DUS1L: variants seen among roughly 807,000 people sequenced by gnomAD.
DUS1L encodes tRNA-dihydrouridine(16/17) synthase [NAD(P)(+)]-like.
In DUS1L, 56 loss-of-function variants were observed where a neutral mutation model predicts 61.2. That is an observed-to-expected ratio of 0.92 (90% CI 0.74 to 1.14). DUS1L has a LOEUF of 1.14. DUS1L is among the 50% of genes most tolerant of loss of function. DUS1L has a pLI of 0.00. For synonymous variants in DUS1L, 278 were observed against 259.5 expected (o/e 1.07, Z -0.69); for missense variants, 630 against 632.4 (o/e 1.00, Z 0.04).
At chr17:82,058,584 C>T in intron 12 of DUS1L, 168 bp from the exon 13 acceptor site, 1 of 1,456,852 alleles carries the variant, frequency 6.9e-7, no homozygotes, top group Admixed American at 2.6e-5. Context: ...CCCACCCACC[C>T]AGACTCTCTT....
At chr17:82,058,620 G>A (rs1037907180) in intron 12 of DUS1L, 161 bp downstream of exon 12, 24 of 1,494,912 alleles carry the variant, frequency 1.6e-5, no homozygotes, top group Admixed American at 2.2e-5. Context: ...GCAGGGGCTT[G>A]GCTGGAAGCA....
intron 8 of DUS1L, 119 bp downstream of exon 8, chr17:82,061,090 C>T (rs2033468003): frequency 6.5e-7 from 1 of 1,537,368 alleles, no homozygotes; most frequent in African/African-American, 1.4e-5. Context: ...CCCAGCCCCT[C>T]AAGACCTGAC....
rs756726730 is a variant in DUS1L at position 82,061,936 on chromosome 17, C to G, written c.558G>C (p.Ser186=). 6.2e-7 allele frequency: 1 copy of G among 1,610,784 alleles called. No individual in the cohort carries two copies. Among genetic ancestry groups the G allele is most frequent in the Non-Finnish European group, 8.5e-7 (1 of 1,178,862 alleles). Residue 186 remains serine, a synonymous_variant, in exon 6 of 14, where the codon TCG becomes TCC. Coordinates refer to ENST00000306796, the MANE Select transcript of DUS1L (RefSeq NM_022156.5). ...GRTKEQKGPL[S]GAASWEHIKA... ...TGATATGCTCCCAGGACGCTGCACC[C>G]GACAGGGGCCCCTTCTGCTCCTTGG...
At position 82,058,180 on chromosome 17, in the gene DUS1L, G is replaced by T; in HGVS notation, c.1357C>A (p.Pro453Thr). The T allele has an allele frequency of 6.2e-7, 1 of 1,600,740 alleles. No homozygotes were observed. Among genetic ancestry groups the T allele is most frequent in the Non-Finnish European group, 8.5e-7 (1 of 1,170,944 alleles). ...WKEAQPELQE[P>T]QPAAPGTPGG... ...GGTGTTCCAGGTGCTGCTGGCTGAG[G>T]CTCCTGCAGCTCAGGCTGGGCCTCT... Residue 453 changes from proline to threonine, a missense_variant, in exon 14 of 14, where the codon CCT (proline) becomes ACT (threonine). Coordinates refer to ENST00000306796, the MANE Select transcript of DUS1L (RefSeq NM_022156.5).
Position 82,060,974 on chromosome 17 carries a change from C to G in DUS1L, c.843-13G>C. ...GTGCACCTGCAGCCTGAGACAGAGG[C>G]CCTGTCACGCAGGCTGGGCTCCCGG... On this transcript the variant is annotated splice_polypyrimidine_tract_variant and intron_variant, in intron 8 of 13. Transcript: ENST00000306796. 1 of 1,606,732 alleles carries G rather than the reference C, an allele frequency of 6.2e-7. No homozygotes were observed. The highest frequency in any genetic ancestry group is 8.5e-7 in the Non-Finnish European group (1 of 1,179,128).
In DUS1L at chr17:82,064,831, T is replaced by G. The variant is rs930271724; in HGVS notation, c.229A>C (p.Ile77Leu). Residue 77 changes from isoleucine (I) to leucine (L), a missense_variant, in exon 2 of 14, where the codon ATC (isoleucine) becomes CTC (leucine). Coordinates refer to ENST00000306796, the MANE Select transcript of DUS1L (RefSeq NM_022156.5). ...CAGCCCCTCCTGCGCACCTGCACGA[T>G]GAGGGGCCGGTCCTCGGGGCACACC... The part of the protein sequence containing the change: ...CEVCPEDRPL[I>L]VQFCANDPEV... The G allele has an allele frequency of 6.2e-7, 1 of 1,609,358 alleles. No homozygotes were observed. The highest frequency in any genetic ancestry group is 8.5e-7 in the Non-Finnish European group (1 of 1,178,362).
chr17:82,062,345 A>T (rs1272150959), intron 5 of DUS1L, among the ~76,000 whole-genome samples: 1 of 152,144 alleles, frequency 6.6e-6, no homozygotes, highest in Non-Finnish European at 1.5e-5. Flanking sequence ...TGGGGGGGAA[A>T]GTGGGTCCTG....
chr17:82,061,656 C>T lies in DUS1L; in HGVS notation c.659G>A (p.Cys220Tyr). Reference sequence around the variant, plus strand: ...GCCCTGCACACCCGTGTCCCGGAGGCAGCGCTCCACGTCCTGCAGGCACTG... The same window carrying T: ...GCCCTGCACACCCGTGTCCCGGAGGTAGCGCTCCACGTCCTGCAGGCACTG... ...NIQCLQDVER[C>Y]LRDTGVQGVM... Residue 220 changes from cysteine to tyrosine, a missense_variant, in exon 7 of 14, where the codon TGC becomes TAC. Coordinates refer to ENST00000306796, the MANE Select transcript of DUS1L (RefSeq NM_022156.5). The T allele has an allele frequency of 1.2e-6, 2 of 1,612,906 alleles. No homozygotes were observed. The highest frequency in any genetic ancestry group is 1.7e-6 in the Non-Finnish European group (2 of 1,179,912).
In DUS1L at chr17:82,061,993, A is replaced by C; in HGVS notation, c.511-10T>G. On this transcript the variant is annotated splice_polypyrimidine_tract_variant and intron_variant, in intron 5 of 13. Transcript: ENST00000306796. Reference sequence around the variant, plus strand: ...CGTGCACCGTCAGCAACTAGGACAGAGCAGTGGTCGCTTGACCCCTCCAAG... The same window carrying C: ...CGTGCACCGTCAGCAACTAGGACAGCGCAGTGGTCGCTTGACCCCTCCAAG... 1 of 1,589,202 alleles carries C rather than the reference A, an allele frequency of 6.3e-7. No individual in the cohort carries two copies. Among genetic ancestry groups the C allele is most frequent in the Non-Finnish European group, 8.6e-7 (1 of 1,166,926 alleles).
chr17:82,061,489 C>T, intron 7 of DUS1L, 129 bp downstream of exon 7: 3 of 1,437,898 alleles, frequency 2.1e-6, no homozygotes, highest in Non-Finnish European at 2.8e-6. Flanking sequence ...TCAGAGCAGA[C>T]TGGGATTGAT....
In DUS1L at chr17:82,065,794, G is replaced by A. The variant is rs918781014; in HGVS notation, c.-192C>T. The A allele has an allele frequency of 1.3e-5, 2 of 149,738 alleles. No homozygotes were observed. Among genetic ancestry groups the A allele is most frequent in the African/African-American group, 4.9e-5 (2 of 41,134 alleles). 9.3% of individuals were successfully genotyped at this position (149,738 alleles called of 1,614,324 possible). ...GGGCCGCAGCCGGGCCCAAGGCTCC[G>A]CGCCGCCACCGGAAGGTGCCCGGTC... On this transcript the variant is annotated 5_prime_UTR_variant, in exon 1 of 14. Coordinates refer to ENST00000306796, the MANE Select transcript of DUS1L (RefSeq NM_022156.5).
intron 12 of DUS1L, 162 bp from the exon 13 acceptor site, chr17:82,058,578 C>G: frequency 6.9e-7 from 1 of 1,450,800 alleles, no homozygotes; most frequent in Non-Finnish European, 9.0e-7. Context: ...CTCACCCCCA[C>G]CCACCCAGAC....
chr17:82,062,773 G>A, intron 5 of DUS1L, 88 bp downstream of exon 5: 3 of 1,214,826 alleles, frequency 2.5e-6, no homozygotes, highest in African/African-American at 3.0e-5. Context: ...ACGGTGCACG[G>A]TGTCTGGACA....
At chr17:82,058,861 T>C in intron 11 of DUS1L, 43 bp from the exon 12 acceptor site, 1 of 1,560,054 alleles carries the variant, frequency 6.4e-7, no homozygotes, top group Non-Finnish European at 8.8e-7. Context: ...AGGGCCAGGG[T>C]GCCCTGGCTG....
intron 2 of DUS1L, 74 bp from the exon 3 acceptor site, chr17:82,064,308 C>G (rs1353198238): frequency 7.8e-7 from 1 of 1,279,132 alleles, no homozygotes; most frequent in Non-Finnish European, 1.1e-6. Flanking sequence ...TACGAGAGGT[C>G]CAGTGTGACC....
At chr17:82,059,919 T>C in intron 11 of DUS1L, 29 bp downstream of exon 11, 1 of 1,613,420 alleles carries the variant, frequency 6.2e-7, no homozygotes, top group African/African-American at 1.3e-5. Context: ...AGAGGCTCTC[T>C]CGGGCCCATC....
intron 1 of DUS1L, chr17:82,065,412 G>C (rs907552513): frequency 2.4e-4 from 59 of 249,908 alleles, no homozygotes; most frequent in African/African-American, 1.2e-3. Flanking sequence ...GGTGAAGTTA[G>C]GACCCCCGGC....
At chr17:82,065,094 G>C (rs1333064005) in intron 1 of DUS1L, 25 bp from the exon 2 acceptor site, 11 of 1,550,448 alleles carry the variant, frequency 7.1e-6, no homozygotes, top group Non-Finnish European at 8.7e-6. Context: ...CAGACCCGGG[G>C]TTCAGCCAGG....
Position 82,064,084 on chromosome 17 carries a change from G to A in DUS1L, c.346+42C>T, listed in dbSNP as rs1293063732. The A allele has an allele frequency of 4.5e-6, 7 of 1,567,888 alleles. No homozygotes were observed. The South Asian group carries it at 5.6e-5, about 13-fold the overall frequency. On this transcript the variant is annotated intron_variant, in intron 3 of 13. Coordinates refer to ENST00000306796, the MANE Select transcript of DUS1L (RefSeq NM_022156.5). ...CCTGGGGCTGCACTGAGCTGGCTCTGGCCCCTGCCCCAGGTGCCCCCATGC... is the reference window on the plus strand; with the variant it reads ...CCTGGGGCTGCACTGAGCTGGCTCTAGCCCCTGCCCCAGGTGCCCCCATGC...
Sources: allele counts gnomAD v4.1 joint callset (sites outside exome capture counted in the v4.1 genomes callset), GRCh38; gene constraint gnomAD v4.1.1; transcripts MANE v1.5; gene names NCBI Gene and HGNC (gene_info 2026-07-23, HGNC 2026-07-21).